The following NALCN variants were observed in gnomAD, a reference collection of about 807,000 sequenced individuals.
NALCN encodes sodium leak channel NALCN.
In NALCN, 111 loss-of-function variants were observed where a neutral mutation model predicts 225.3. The ratio of observed to expected loss-of-function variants is 0.49; its 90% CI spans 0.42 to 0.58. The LOEUF (loss-of-function observed/expected upper bound fraction) is 0.58, where lower values mean the gene tolerates loss of function less well. NALCN is among the 20% of genes least tolerant of loss of function. NALCN has a pLI of 0.00. For missense variants in NALCN, 1,378 were observed against 2,202.4 expected, an observed-to-expected ratio of 0.63 and a Z score of 7.49; for synonymous variants, 764 against 769.0, an observed-to-expected ratio of 0.99 and a Z score of 0.11.
At chr13:101,345,244 G>C (rs376681032) in intron 7 of NALCN, 22 bp downstream of exon 7, 5 of 1,601,296 alleles carry the variant, frequency 3.1e-6, no homozygotes, top group Non-Finnish European at 4.3e-6. Context: ...AACTTAAAAC[G>C]TATTTTACCA....
chr13:101,240,749 G>T (rs1464446616), intron 11 of NALCN, among the ~76,000 whole-genome samples: 1 of 152,038 alleles, frequency 6.6e-6, no homozygotes, highest in African/African-American at 2.4e-5. Context: ...CATGTTTAAA[G>T]ACTTTCCTTT....
intron 13 of NALCN, among the ~76,000 whole-genome samples, chr13:101,216,718 T>G (rs565033739): frequency 1.3e-5 from 2 of 152,266 alleles, no homozygotes; most frequent in Non-Finnish European, 2.9e-5. Flanking sequence ...TTTCTTCAAA[T>G]TTTTTGGTAA....
At chr13:101,122,063 C>T (rs1157228298) in intron 18 of NALCN, among the ~76,000 whole-genome samples, 12 of 151,744 alleles carry the variant, frequency 7.9e-5, no homozygotes, top group Admixed American at 7.9e-4. Context: ...TTGACATGGA[C>T]CCAATCTATT....
intron 7 of NALCN, among the ~76,000 whole-genome samples, chr13:101,330,838 C>T (rs552148155): frequency 6.6e-6 from 1 of 152,260 alleles, no homozygotes; most frequent in South Asian, 2.1e-4. Flanking sequence ...AGGGCAGTTT[C>T]CCTGCACAGG....
chr13:101,169,871 C>T (rs1357650062), intron 15 of NALCN, among the ~76,000 whole-genome samples: 1 of 152,232 alleles, frequency 6.6e-6, no homozygotes, highest in Admixed American at 6.5e-5. Context: ...ATAGCATTTG[C>T]TCCTGCAGCA....
In NALCN at chr13:101,081,607, A is replaced by G. The variant is rs749305116; in HGVS notation, c.3805T>C (p.Trp1269Arg). 1.2e-6 allele frequency: 2 copies of G among 1,614,078 alleles called. No homozygotes were observed. The highest frequency in any genetic ancestry group is 1.3e-5 in the African/African-American group (1 of 74,942). ...TCGTATCGGTTTCTTCTGCTTTGCC[A>G]GAAGCCAGCAGGCGACATTGCTATG... ...KIIAMSPAGF[W>R]QSRRNRYDLL... Residue 1269 changes from tryptophan to arginine, a missense_variant, in exon 34 of 44, where the codon TGG becomes CGG. Physicochemically the swap from Trp to Arg is moderately radical, Grantham distance 101. This residue lies in a region of NALCN where 98 missense variants were observed against 156.6 expected (regional missense o/e 0.63). Coordinates refer to ENST00000251127, the MANE Select transcript of NALCN (RefSeq NM_052867.4).
intron 6 of NALCN, among the ~76,000 whole-genome samples, chr13:101,364,120 T>C (rs909117839): frequency 1.3e-5 from 2 of 152,052 alleles, no homozygotes; most frequent in East Asian, 1.9e-4. Context: ...TCATACACTG[T>C]TGGTGGTAAT....
Position 101,055,347 on chromosome 13 carries a change from C to T in NALCN, c.5165G>A (p.Arg1722Gln), listed in dbSNP as rs750952585. 3.2e-5 allele frequency: 51 copies of T among 1,613,934 alleles called. No individual in the cohort carries two copies. The highest frequency in any genetic ancestry group is 1.7e-4 in the Admixed American group (10 of 59,990). The change falls in exon 44 of 44, where the codon CGG (arginine) becomes CAG (glutamine). Residue 1722 changes from arginine to glutamine, a missense_variant. Physicochemically the swap from Arg to Gln is conservative, Grantham distance 43. Transcript: ENST00000251127. ...CGSEVKKWWTRQLTVESDESG... is the reference protein window; with the variant it reads ...CGSEVKKWWTQQLTVESDESG... The stretch of plus-strand genomic sequence containing the variant: ...TTCGTCGCTCTCCACAGTCAGCTGC[C>T]GGGTCCACCACTTCTTAACTTCAGA...
In NALCN at chr13:101,378,671, A is replaced by T. The variant is rs374602794; in HGVS notation, c.292-18T>A. 6 of 1,593,174 alleles carry T rather than the reference A, an allele frequency of 3.8e-6. No homozygotes were observed. In the African/African-American group the frequency reaches 8.1e-5, roughly 21 times the overall value. On this transcript the variant is annotated intron_variant, in intron 3 of 43. Transcript: ENST00000251127. ...CTATCCCCCTAAAAATAAATTTTACATGGCATTATTAGGCAAAGCAAATAT... is the reference window on the plus strand; with the variant it reads ...CTATCCCCCTAAAAATAAATTTTACTTGGCATTATTAGGCAAAGCAAATAT...
chr13:101,376,921 A>G lies in NALCN; in HGVS notation c.511T>C (p.Leu171=). ...ELPRTRITNI[L]KRSGEQIWSV... is the part of the protein sequence containing the mutation. ...TTATTGTAAAGCAGCGCTCACTTTAAAATATTTGTAATTCTGGTCCTTGGC... is the reference window on the plus strand; with the variant it reads ...TTATTGTAAAGCAGCGCTCACTTTAGAATATTTGTAATTCTGGTCCTTGGC... Residue 171 remains leucine (L), a synonymous_variant, in exon 5 of 44, where the codon TTA becomes CTA. Transcript: ENST00000251127. The G allele has an allele frequency of 6.2e-7, 1 of 1,614,196 alleles. No individual in the cohort carries two copies. The highest frequency in any genetic ancestry group is 8.5e-7 in the Non-Finnish European group (1 of 1,180,034).
intron 7 of NALCN, among the ~76,000 whole-genome samples, chr13:101,332,397 C>CAAAAAAAAAAAAAAAAA (rs753158247): frequency 4.5e-4 from 26 of 57,812 alleles, no homozygotes; most frequent in Non-Finnish European, 5.6e-4. Context: ...TTCACAAAGC[C>CAAAAAAAAAAAAAAAAA]AAAAAAAAAA....
At chr13:101,276,898 T>A (rs2042988272) in intron 10 of NALCN, among the ~76,000 whole-genome samples, 1 of 152,198 alleles carries the variant, frequency 6.6e-6, no homozygotes. Context: ...GTTGCTAATG[T>A]GTGATCAGAA....
At chr13:101,296,985 T>C (rs1244364738) in intron 7 of NALCN, among the ~76,000 whole-genome samples, 1 of 152,216 alleles carries the variant, frequency 6.6e-6, no homozygotes. Flanking sequence ...TTTTTATAGC[T>C]CTGAACAAAA....
chr13:101,106,624 G>A (rs1384479886), intron 22 of NALCN, among the ~76,000 whole-genome samples: 2 of 152,076 alleles, frequency 1.3e-5, no homozygotes, highest in Non-Finnish European at 2.9e-5. Context: ...TGAATCATGG[G>A]GGCGGTTCCC....
At chr13:101,376,572 C>A in intron 6 of NALCN, 128 bp downstream of exon 6, 2 of 808,304 alleles carry the variant, frequency 2.5e-6, no homozygotes, top group Non-Finnish European at 3.7e-6. Context: ...ACCGAGGAAG[C>A]AGAGACACAG....
At position 101,144,639 on chromosome 13, in the gene NALCN, T is replaced by A. The variant is rs17621565; in HGVS notation, c.1976+121A>T. 2.0e-3 allele frequency: 1,859 copies of A among 922,892 alleles called. 24 individuals carry two copies. The Admixed American group carries it at 0.027, about 13-fold the overall frequency. 57.2% of individuals were successfully genotyped at this position (922,892 alleles called of 1,614,324 possible). On this transcript the variant is annotated intron_variant, in intron 16 of 43. Coordinates refer to ENST00000251127, the MANE Select transcript of NALCN (RefSeq NM_052867.4). ...AATAGAGGTAGAGGTAGTAGAAAGA[T>A]GACAATAAAATAGAAAGAAACCCAA...
intron 30 of NALCN, 83 bp from the exon 31 acceptor site, chr13:101,083,887 C>A (rs1196517381): frequency 1.5e-6 from 2 of 1,303,662 alleles, no homozygotes; most frequent in Non-Finnish European, 2.2e-6. Context: ...CCGAGACAAA[C>A]AGGACTGATG....
intron 11 of NALCN, among the ~76,000 whole-genome samples, chr13:101,244,146 C>G (rs906479794): frequency 1.1e-4 from 16 of 151,170 alleles, no homozygotes; most frequent in African/African-American, 3.6e-4. Flanking sequence ...CTCCCTTCAC[C>G]TGTATTTTCA....
intron 7 of NALCN, among the ~76,000 whole-genome samples, chr13:101,343,358 T>C (rs1269595810): frequency 6.6e-6 from 1 of 152,154 alleles, no homozygotes; most frequent in Non-Finnish European, 1.5e-5. Flanking sequence ...AAATTAAGCC[T>C]GTATAGAAAG....
Sources: allele counts gnomAD v4.1 joint callset (sites outside exome capture counted in the v4.1 genomes callset), GRCh38; gene constraint gnomAD v4.1.1; regional missense constraint gnomAD v4.1.1; transcripts MANE v1.5; gene names NCBI Gene and HGNC (gene_info 2026-07-23, HGNC 2026-07-21).